The following CHD7 variants were observed in gnomAD, a reference collection of about 807,000 sequenced individuals.
The protein encoded by CHD7 is ATP-dependent chromatin remodeler CHD7.
CHD7 carries 24 observed loss-of-function variants against 307.3 expected under a neutral mutation model. That is an observed-to-expected ratio of 0.08 (90% CI 0.06 to 0.11). The LOEUF is 0.11. Ranked by LOEUF, CHD7 falls within the 10% of genes least tolerant of loss-of-function variation. CHD7 has a pLI of 1.00. For synonymous variants in CHD7, 1,363 were observed against 1,349.9 expected (o/e 1.01, Z -0.21); for missense variants, 3,106 against 3,727.1 (o/e 0.83, Z 4.34).
intron 31 of CHD7, among the ~76,000 whole-genome samples, chr8:60,853,741 T>G (rs184269116): frequency 9.2e-5 from 14 of 152,350 alleles, no homozygotes; most frequent in Admixed American, 7.8e-4. Flanking sequence ...ATTAGCAATT[T>G]CTGGTTTAAG....
Position 60,862,250 on chromosome 8 carries a change from A to C in CHD7, c.7885A>C (p.Arg2629=). ...SFQKPKQKRH[R]CRNPNKLDIN... ...TCAGAAACCGAAACAGAAACGACATAGATGTCGAAACCCTAATAAATTGGA... is the reference window on the plus strand; with the variant it reads ...TCAGAAACCGAAACAGAAACGACATCGATGTCGAAACCCTAATAAATTGGA... Residue 2629 remains arginine (R), a synonymous_variant, in exon 36 of 38, where the codon AGA becomes CGA. Transcript: ENST00000423902. The C allele has an allele frequency of 1.9e-6, 3 of 1,611,828 alleles. No homozygotes were observed. The highest frequency in any genetic ancestry group is 2.5e-6 in the Non-Finnish European group (3 of 1,178,772).
intron 3 of CHD7, among the ~76,000 whole-genome samples, chr8:60,783,328 A>C (rs192321634): frequency 3.1e-3 from 465 of 152,306 alleles, no homozygotes; most frequent in Non-Finnish European, 5.7e-3. Flanking sequence ...CAACAACTGT[A>C]AGAAACTGTT....
Position 60,852,502 on chromosome 8 carries a change from A to G in CHD7, c.5899A>G (p.Thr1967Ala). Residue 1967 changes from threonine (T) to alanine (A), a missense_variant, in exon 30 of 38, where the codon ACA (threonine) becomes GCA (alanine). Physicochemically the swap from Thr to Ala is moderately conservative, Grantham distance 58. Transcript: ENST00000423902. ...AIISEKRQKWTRREEADFYRV... is the reference protein window; with the variant it reads ...AIISEKRQKWARREEADFYRV... ...CTAATATAATCTTTCTAACAGGTGG[A>G]CAAGAAGAGAAGAGGCTGATTTTTA... 6 of 1,613,030 alleles carry G rather than the reference A, an allele frequency of 3.7e-6. No individual in the cohort carries two copies. The highest frequency in any genetic ancestry group is 5.1e-6 in the Non-Finnish European group (6 of 1,179,198).
At chr8:60,840,374 G>T (rs936695422) in intron 19 of CHD7, among the ~76,000 whole-genome samples, 6 of 152,098 alleles carry the variant, frequency 3.9e-5, no homozygotes, top group Admixed American at 2.0e-4. Context: ...CTCTCCTCCT[G>T]CCCCTATCTC....
intron 1 of CHD7, among the ~76,000 whole-genome samples, chr8:60,738,369 T>C (rs1469235621): frequency 6.6e-6 from 1 of 152,244 alleles, no homozygotes; most frequent in Non-Finnish European, 1.5e-5. Flanking sequence ...TGGTCTACTA[T>C]TAAAATGTAG....
At chr8:60,701,004 G>C (rs765050256) in intron 1 of CHD7, among the ~76,000 whole-genome samples, 5 of 152,272 alleles carry the variant, frequency 3.3e-5, no homozygotes, top group East Asian at 3.9e-4. Flanking sequence ...TTGTGATAAC[G>C]TTATGTTTGA....
intron 7 of CHD7, among the ~76,000 whole-genome samples, chr8:60,809,897 G>A (rs1386587698): frequency 6.6e-6 from 1 of 152,068 alleles, no homozygotes; most frequent in Non-Finnish European, 1.5e-5. Context: ...CTTAAATATG[G>A]TTGTGGTTGC....
chr8:60,817,924 T>A (rs949151398), intron 8 of CHD7, among the ~76,000 whole-genome samples: 1 of 152,174 alleles, frequency 6.6e-6, no homozygotes, highest in Non-Finnish European at 1.5e-5. Context: ...CCCTAAATCC[T>A]GGTCCTGTTT....
intron 3 of CHD7, among the ~76,000 whole-genome samples, chr8:60,794,769 G>T (rs1017348594): frequency 1.3e-5 from 2 of 152,156 alleles, no homozygotes; most frequent in African/African-American, 4.8e-5. Context: ...GTTTTTGCAT[G>T]CAGTTTATTT....
At chr8:60,726,888 TATCTC>T (rs1186657047) in intron 1 of CHD7, among the ~76,000 whole-genome samples, 2 of 152,218 alleles carry the variant, frequency 1.3e-5, no homozygotes, top group African/African-American at 4.8e-5. Context: ...CTGCCTCTCC[TATCTC>T]ATCTCTTCAG....
At chr8:60,698,022 T>G (rs1429159413) in intron 1 of CHD7, among the ~76,000 whole-genome samples, 1 of 152,192 alleles carries the variant, frequency 6.6e-6, no homozygotes, top group Non-Finnish European at 1.5e-5. Flanking sequence ...CATAAAACAG[T>G]GTCACCAAGA....
chr8:60,795,874 C>G (rs560739120), intron 4 of CHD7, among the ~76,000 whole-genome samples: 1 of 152,246 alleles, frequency 6.6e-6, no homozygotes, highest in South Asian at 2.1e-4. Context: ...GGGAATGTAA[C>G]TTATGTGAAT....
intron 19 of CHD7, among the ~76,000 whole-genome samples, chr8:60,838,593 C>G (rs1165151510): frequency 6.6e-6 from 1 of 152,196 alleles, no homozygotes; most frequent in Non-Finnish European, 1.5e-5. Flanking sequence ...TTTGAAACAG[C>G]CTATAAGAAT....
At chr8:60,747,986 A>G (rs1191512938) in intron 2 of CHD7, among the ~76,000 whole-genome samples, 1 of 152,240 alleles carries the variant, frequency 6.6e-6, no homozygotes, top group Admixed American at 6.5e-5. Context: ...AGAATCTTAC[A>G]TATTTCAATG....
At chr8:60,691,551 A>C (rs2150489446) in intron 1 of CHD7, among the ~76,000 whole-genome samples, 1 of 152,300 alleles carries the variant, frequency 6.6e-6, no homozygotes, top group South Asian at 2.1e-4. Context: ...ATTATCCTCC[A>C]GGCAGAAAAA....
chr8:60,782,825 G>A (rs564017927), intron 3 of CHD7, among the ~76,000 whole-genome samples: 283 of 152,252 alleles, frequency 1.9e-3, no homozygotes, highest in Non-Finnish European at 1.7e-3. Flanking sequence ...AAAGACATGG[G>A]TAGAATTTTA....
intron 2 of CHD7, among the ~76,000 whole-genome samples, chr8:60,775,116 C>T (rs1380732331): frequency 2.6e-5 from 4 of 151,906 alleles, no homozygotes; most frequent in African/African-American, 9.7e-5. Flanking sequence ...GTTCTAAGGA[C>T]AGCTTTAAAA....
In CHD7 at chr8:60,740,037, G is replaced by A. The variant is rs184908411; in HGVS notation, c.-174-1222G>A. The stretch of plus-strand genomic sequence containing the variant: ...ATATGAATTAGGTCTTTATTAGGCC[G>A]TTGATTTAATTAGTGTTCAACAAAA... On this transcript the variant is annotated intron_variant, in intron 1 of 37. Coordinates refer to ENST00000423902, the MANE Select transcript of CHD7 (RefSeq NM_017780.4). Among the ~76,000 whole-genome samples the A allele has an allele frequency of 2.4e-4, 37 of 152,258 alleles. No homozygotes were observed. The South Asian group carries it at 2.7e-3, about 11-fold the overall frequency.
chr8:60,727,040 G>T (rs902595841), intron 1 of CHD7, among the ~76,000 whole-genome samples: 3 of 152,166 alleles, frequency 2.0e-5, no homozygotes, highest in African/African-American at 7.2e-5. Context: ...AGTGGCAGAC[G>T]TTGTAAATGC....
Sources: allele counts gnomAD v4.1 joint callset (sites outside exome capture counted in the v4.1 genomes callset), GRCh38; gene constraint gnomAD v4.1.1; transcripts MANE v1.5; gene names NCBI Gene and HGNC (gene_info 2026-07-23, HGNC 2026-07-21).